The following CDH8 variants were observed in gnomAD, a reference collection of about 807,000 sequenced individuals.
CDH8 encodes cadherin 8.
Under a neutral mutation model 68.1 loss-of-function variants are expected in CDH8, and 17 were observed. The observed-to-expected ratio is 0.25, with a 90% CI of 0.17 to 0.37. The LOEUF (loss-of-function observed/expected upper bound fraction) is 0.37, where lower values mean the gene tolerates loss of function less well. Ranked by LOEUF, CDH8 falls within the 10% of genes least tolerant of loss-of-function variation. The probability of loss-of-function intolerance (pLI) is 1.00; values close to 1 mark genes in which losing one functional copy is unlikely to be tolerated. For missense variants in CDH8, 763 were observed against 999.3 expected (o/e 0.76, Z 3.19); for synonymous variants, 372 against 365.1 (o/e 1.02, Z -0.21).
intron 10 of CDH8, among the ~76,000 whole-genome samples, chr16:61,659,791 G>A (rs183005712): frequency 2.0e-5 from 3 of 152,162 alleles, no homozygotes; most frequent in African/African-American, 4.8e-5. Flanking sequence ...GTGGAAAGCA[G>A]GGAATCTTGG....
chr16:61,815,836 A>T (rs754541778), intron 7 of CDH8, among the ~76,000 whole-genome samples: 9 of 152,076 alleles, frequency 5.9e-5, no homozygotes. Flanking sequence ...GGAAATTGAG[A>T]AACATAGGAA....
intron 2 of CDH8, among the ~76,000 whole-genome samples, chr16:61,995,380 T>G (rs1965790997): frequency 6.6e-6 from 1 of 152,168 alleles, no homozygotes; most frequent in Non-Finnish European, 1.5e-5. Flanking sequence ...TTGCTGTTAC[T>G]TTCACTTTTT....
rs1191096147 is a variant in CDH8 at position 61,960,302 on chromosome 16, T to C, written c.253-58829A>G. ...GTATACACACATATATACGTGTGTG[T>C]GTATACACACATATATACGTGTGTG... On this transcript the variant is annotated intron_variant, in intron 2 of 11. Coordinates refer to ENST00000577390, the MANE Select transcript of CDH8 (RefSeq NM_001796.5). Among the ~76,000 whole-genome samples, 4 of 100,146 alleles carry C rather than the reference T, an allele frequency of 4.0e-5. 1 individual carries two copies. 65.7% of individuals were successfully genotyped at this position (100,146 alleles called of 152,430 possible). A position where few individuals can be genotyped will look rare whatever the true frequency, so the allele number is the denominator to read the frequency against.
chr16:62,006,008 C>A lies in CDH8; in HGVS notation c.252+15144G>T, dbSNP rs560876095. Among the ~76,000 whole-genome samples the A allele has an allele frequency of 1.1e-4, 17 of 152,256 alleles. 1 individual carries two copies. In the South Asian group the frequency reaches 3.5e-3, roughly 32 times the overall value. On this transcript the variant is annotated intron_variant, in intron 2 of 11. Coordinates refer to ENST00000577390, the MANE Select transcript of CDH8 (RefSeq NM_001796.5). ...CCTGGAACTGCAGTGTTAATCTCAA[C>A]ACACTTTGAATGGTGAAGAGTTACC...
At chr16:61,792,786 C>A (rs1221118714) in intron 7 of CDH8, among the ~76,000 whole-genome samples, 1 of 151,868 alleles carries the variant, frequency 6.6e-6, no homozygotes, top group Non-Finnish European at 1.5e-5. Context: ...CTGTGAAGAT[C>A]ACATGAGATG....
intron 3 of CDH8, among the ~76,000 whole-genome samples, chr16:61,899,688 A>G (rs886819697): frequency 2.0e-5 from 3 of 152,210 alleles, no homozygotes; most frequent in African/African-American, 7.2e-5. Context: ...AAACAGATCA[A>G]GTCAAGGAGA....
chr16:61,935,287 A>G (rs1964610861), intron 2 of CDH8, among the ~76,000 whole-genome samples: 1 of 152,216 alleles, frequency 6.6e-6, no homozygotes. Flanking sequence ...GTATAACTAG[A>G]AAAATGAAGT....
chr16:61,715,597 A>T (rs1964714613), intron 9 of CDH8, among the ~76,000 whole-genome samples: 1 of 151,500 alleles, frequency 6.6e-6, no homozygotes, highest in Non-Finnish European at 1.5e-5. Flanking sequence ...TTTATTGATG[A>T]CCTGGCATTT....
At chr16:61,939,708 C>CT (rs1964681656) in intron 2 of CDH8, among the ~76,000 whole-genome samples, 1 of 152,074 alleles carries the variant, frequency 6.6e-6, no homozygotes, top group Admixed American at 6.6e-5. Flanking sequence ...AAATGATGGG[C>CT]TATGCAAATA....
chr16:61,738,585 T>C (rs1408966442), intron 8 of CDH8, among the ~76,000 whole-genome samples: 1 of 152,176 alleles, frequency 6.6e-6, no homozygotes, highest in Admixed American at 6.6e-5. Context: ...ATTTCATAAA[T>C]GTAAAATTTT....
chr16:61,990,978 A>AAAGG (rs1398450429), intron 2 of CDH8, among the ~76,000 whole-genome samples: 1 of 151,786 alleles, frequency 6.6e-6, no homozygotes, highest in African/African-American at 2.4e-5. Context: ...AAAGAGAAAG[A>AAAGG]AAGGAAGGAA....
chr16:61,937,232 T>C (rs1964641416), intron 2 of CDH8, among the ~76,000 whole-genome samples: 1 of 152,188 alleles, frequency 6.6e-6, no homozygotes, highest in Admixed American at 6.5e-5. Context: ...CTTTAAAACA[T>C]GGTTCTAGAG....
chr16:62,019,010 T>C (rs1346621871), intron 2 of CDH8, among the ~76,000 whole-genome samples: 1 of 152,176 alleles, frequency 6.6e-6, no homozygotes, highest in African/African-American at 2.4e-5. Flanking sequence ...AATGAATTGT[T>C]CTCCCAGGCA....
chr16:61,918,866 CACAG>C (rs1567528152), intron 2 of CDH8, among the ~76,000 whole-genome samples: 2 of 151,032 alleles, frequency 1.3e-5, no homozygotes, highest in African/African-American at 4.9e-5. Context: ...GGGGGCAGGG[CACAG>C]ACAAACAAAA....
At chr16:61,716,396 CA>C (rs1353492238) in intron 9 of CDH8, among the ~76,000 whole-genome samples, 1 of 151,592 alleles carries the variant, frequency 6.6e-6, no homozygotes, top group Non-Finnish European at 1.5e-5. Context: ...AACATCACAC[CA>C]AAATTTAATA....
At chr16:61,702,411 A>G (rs1964449637) in intron 10 of CDH8, among the ~76,000 whole-genome samples, 1 of 152,110 alleles carries the variant, frequency 6.6e-6, no homozygotes, top group Admixed American at 6.6e-5. Flanking sequence ...AAAATAAGTC[A>G]GTCATACTTT....
chr16:61,775,738 T>C (rs994395016), intron 8 of CDH8, among the ~76,000 whole-genome samples: 3 of 151,982 alleles, frequency 2.0e-5, no homozygotes, highest in Non-Finnish European at 4.4e-5. Flanking sequence ...CATATATACA[T>C]GTGAGGCCAA....
chr16:61,862,056 T>C (rs542322815), intron 3 of CDH8, among the ~76,000 whole-genome samples: 1 of 152,052 alleles, frequency 6.6e-6, no homozygotes, highest in East Asian at 1.9e-4. Flanking sequence ...ATCTCAAATG[T>C]AGCAATATAT....
chr16:61,808,903 A>G (rs575350333), intron 7 of CDH8, among the ~76,000 whole-genome samples: 1 of 152,320 alleles, frequency 6.6e-6, no homozygotes, highest in African/African-American at 2.4e-5. Context: ...AGACTTTACT[A>G]GACCAGGCGC....
Sources: allele counts gnomAD v4.1 joint callset (sites outside exome capture counted in the v4.1 genomes callset), GRCh38; gene constraint gnomAD v4.1.1; transcripts MANE v1.5; gene names NCBI Gene and HGNC (gene_info 2026-07-23, HGNC 2026-07-21).